PSMD9: variants seen among roughly 807,000 people sequenced by gnomAD.
PSMD9 encodes the protein proteasome 26S subunit, non-ATPase 9.
Under a neutral mutation model 25.9 loss-of-function variants are expected in PSMD9, and 26 were observed. That is an observed-to-expected ratio of 1.00 (90% CI 0.73 to 1.39). The LOEUF (loss-of-function observed/expected upper bound fraction) is 1.39. Ranked by LOEUF, PSMD9 falls within the 40% of genes most tolerant of loss-of-function variation. PSMD9 has a pLI of 0.00. For synonymous variants in PSMD9, 110 were observed against 114.5 expected, an observed-to-expected ratio of 0.96 and a Z score of 0.25; for missense variants, 303 against 299.3, an observed-to-expected ratio of 1.01 and a Z score of -0.09.
chr12:121,915,264 G>C (rs1879861088), intron 4 of PSMD9: 1 of 151,708 alleles, frequency 6.6e-6, no homozygotes, highest in Non-Finnish European at 1.5e-5. Context: ...AGCAGAGGTT[G>C]CAGTGAGCCA....
chr12:121,891,085 CA>C (rs1194581408), intron 1 of PSMD9, among the ~76,000 whole-genome samples: 28 of 135,342 alleles, frequency 2.1e-4, no homozygotes, highest in Non-Finnish European at 3.8e-4. Context: ...CTCGGCCTCC[CA>C]AAGTGCTGGG....
intron 3 of PSMD9, among the ~76,000 whole-genome samples, chr12:121,900,137 C>T (rs953523597): frequency 2.0e-5 from 3 of 152,140 alleles, no homozygotes; most frequent in Non-Finnish European, 2.9e-5. Flanking sequence ...TCTTGGGGCT[C>T]ATTTTAGCTG....
intron 4 of PSMD9, 29 bp downstream of exon 4, chr12:121,903,136 T>A: frequency 6.3e-7 from 1 of 1,587,152 alleles, no homozygotes; most frequent in Non-Finnish European, 8.6e-7. Flanking sequence ...TGTCTCGGTC[T>A]GTTTGGGTTT....
intron 4 of PSMD9, among the ~76,000 whole-genome samples, chr12:121,908,675 G>A (rs1021528137): frequency 6.6e-6 from 1 of 152,140 alleles, no homozygotes. Context: ...ACACTGATAA[G>A]TGTTATGAAG....
chr12:121,909,994 C>T (rs989027891), intron 4 of PSMD9, among the ~76,000 whole-genome samples: 1 of 151,768 alleles, frequency 6.6e-6, no homozygotes, highest in African/African-American at 2.4e-5. Flanking sequence ...CAAGTAGCAC[C>T]TGTGAGTGCG....
intron 2 of PSMD9, among the ~76,000 whole-genome samples, chr12:121,896,448 C>T (rs551759506): frequency 5.5e-4 from 83 of 151,850 alleles, no homozygotes; most frequent in African/African-American, 1.5e-3. Flanking sequence ...CCACCCTGGG[C>T]GACAGAGCAA....
intron 3 of PSMD9, among the ~76,000 whole-genome samples, chr12:121,900,309 T>C (rs765284661): frequency 2.6e-5 from 4 of 152,122 alleles, no homozygotes; most frequent in Non-Finnish European, 5.9e-5. Flanking sequence ...GGAGGATCAC[T>C]TGGGCTCAGG....
At chr12:121,910,300 G>A (rs1386814429) in intron 4 of PSMD9, among the ~76,000 whole-genome samples, 2 of 150,910 alleles carry the variant, frequency 1.3e-5, no homozygotes, top group Admixed American at 1.3e-4. Context: ...TGGCCAGGAT[G>A]GTCTCTATCT....
Position 121,903,079 on chromosome 12 carries a change from T to C in PSMD9, c.527T>C (p.Ile176Thr), listed in dbSNP as rs1879447094. The C allele has an allele frequency of 7.4e-6, 12 of 1,614,004 alleles. No individual in the cohort carries two copies. The highest frequency in any genetic ancestry group is 2.2e-5 in the East Asian group (1 of 44,870). Reference protein sequence around the residue: ...NTQNFQSLHNIGSVVQHSEGK... With the variant: ...NTQNFQSLHNTGSVVQHSEGK... ...CAGAACTTCCAGTCACTGCATAACA[T>C]TGGCAGTGTGGTGCAGCACAGTGAG... The change falls in exon 4 of 6, where the codon ATT becomes ACT. Residue 176 changes from isoleucine (I) to threonine (T), a missense_variant. Coordinates refer to ENST00000541212, the MANE Select transcript of PSMD9 (RefSeq NM_002813.7).
At chr12:121,902,169 G>T (rs918460714) in intron 3 of PSMD9, 1 of 152,190 alleles carries the variant, frequency 6.6e-6, no homozygotes, top group Non-Finnish European at 1.5e-5. Flanking sequence ...AGCCACTTCT[G>T]GGATAGGTCC....
chr12:121,899,395 G>T, intron 2 of PSMD9: 1 of 501,108 alleles, frequency 2.0e-6, no homozygotes, highest in East Asian at 3.3e-5. Flanking sequence ...AGACTTTGCT[G>T]CTGGCCAGGC....
At chr12:121,913,833 T>C (rs1348079691) in intron 4 of PSMD9, among the ~76,000 whole-genome samples, 1 of 152,120 alleles carries the variant, frequency 6.6e-6, no homozygotes, top group Admixed American at 6.6e-5. Context: ...GGGTTGCCTT[T>C]TCACTCTGTT....
chr12:121,903,362 G>A (rs1397816055), intron 4 of PSMD9, among the ~76,000 whole-genome samples: 1 of 152,142 alleles, frequency 6.6e-6, no homozygotes, highest in East Asian at 1.9e-4. Flanking sequence ...ACTAATCCCA[G>A]TGGGGGCGCC....
intron 4 of PSMD9, among the ~76,000 whole-genome samples, 190 bp downstream of exon 4, chr12:121,903,297 CTG>C (rs764602311): frequency 3.9e-5 from 6 of 152,178 alleles, no homozygotes; most frequent in East Asian, 1.9e-4. Context: ...TGCCTTCTTG[CTG>C]TGTCCTCACA....
In PSMD9 at chr12:121,916,484, G is replaced by A. The variant is rs561143471; in HGVS notation, c.*173G>A. ...CACCAGTGTAATCTCCCTGGATTAAGGCATTCTTAAAAACTTAGGCTTGGC... is the reference window on the plus strand; with the variant it reads ...CACCAGTGTAATCTCCCTGGATTAAAGCATTCTTAAAAACTTAGGCTTGGC... On this transcript the variant is annotated 3_prime_UTR_variant, in exon 6 of 6. Coordinates refer to ENST00000541212, the MANE Select transcript of PSMD9 (RefSeq NM_002813.7). 131 of 769,742 alleles carry A rather than the reference G, an allele frequency of 1.7e-4. 1 individual carries two copies. In the South Asian group the frequency reaches 2.1e-3, roughly 12 times the overall value. The allele number at this position is 769,742 out of a possible 1,614,324, so 47.7% of individuals were successfully genotyped here. A position where few individuals can be genotyped will look rare whatever the true frequency, so the allele number is the denominator to read the frequency against.
intron 4 of PSMD9, among the ~76,000 whole-genome samples, chr12:121,911,469 A>G (rs1879718805): frequency 6.6e-6 from 1 of 152,208 alleles, no homozygotes; most frequent in Non-Finnish European, 1.5e-5. Context: ...TCCATTCATT[A>G]GTCAATGGAC....
intron 1 of PSMD9, among the ~76,000 whole-genome samples, chr12:121,890,131 G>T (rs748893237): frequency 1.3e-5 from 2 of 152,120 alleles, no homozygotes; most frequent in Non-Finnish European, 2.9e-5. Flanking sequence ...TGGTCAGGCC[G>T]GTGTTGGATT....
chr12:121,918,128 G>A lies in PSMD9; in HGVS notation c.*1817G>A, dbSNP rs1419554817. On this transcript the variant is annotated 3_prime_UTR_variant, in exon 6 of 6. Coordinates refer to ENST00000541212, the MANE Select transcript of PSMD9 (RefSeq NM_002813.7). The surrounding 1 kb of genome is among the most constrained non-coding windows in gnomAD (Gnocchi z 4.3). ...ATAGATATAGCCAGACCGGTTTTGC[G>A]GAAACGCTTTGTGCTGAGAACCGCA... is the stretch of plus-strand genomic sequence containing the variant. 6.6e-6 allele frequency: 1 copy of A among 152,202 alleles called. No homozygotes were observed. Among genetic ancestry groups the A allele is most frequent in the Non-Finnish European group, 1.5e-5 (1 of 68,056 alleles). 9.4% of individuals were successfully genotyped at this position (152,202 alleles called of 1,614,324 possible).
chr12:121,913,364 C>T lies in PSMD9; in HGVS notation c.556-2492C>T, dbSNP rs183834811. 4.6e-5 allele frequency among the ~76,000 whole-genome samples: 7 copies of T among 152,266 alleles called. No individual in the cohort carries two copies. The East Asian group carries it at 7.7e-4, about 17-fold the overall frequency. Reference sequence around the variant, plus strand: ...AAAGTGTTGGGATTACAGGCGTGAGCCACCACACCCAGCCCTTTGCTCATA... The same window carrying T: ...AAAGTGTTGGGATTACAGGCGTGAGTCACCACACCCAGCCCTTTGCTCATA... On this transcript the variant is annotated intron_variant, in intron 4 of 5. Transcript: ENST00000541212.
Sources: allele counts gnomAD v4.1 joint callset (sites outside exome capture counted in the v4.1 genomes callset), GRCh38; gene constraint gnomAD v4.1.1; non-coding constraint Gnocchi (gnomAD v3.1); transcripts MANE v1.5; gene names NCBI Gene and HGNC (gene_info 2026-07-23, HGNC 2026-07-21).